Variants in OR10J1 observed in about 807,000 individuals in gnomAD.
OR10J1 encodes olfactory receptor 10J1.
For missense variants in OR10J1, 474 were observed against 376.6 expected (o/e 1.26, Z -2.14); for synonymous variants, 202 against 143.8 (o/e 1.40, Z -2.89).
the OR10J1 span, among the ~76,000 whole-genome samples, chr1:159,413,493 G>A: frequency 6.6e-6 from 1 of 152,068 alleles, no homozygotes; most frequent in Non-Finnish European, 1.5e-5. Context: ...TATACACCAT[G>A]GAATACTATG....
At chr1:159,433,148 A>G (rs181214276), upstream of OR10J1, 2,029 of 407,118 alleles carry the variant, frequency 5.0e-3, 7 homozygotes, top group Non-Finnish European at 6.7e-3. Flanking sequence ...GGTGCTGGTC[A>G]GTTCAATAAC....
chr1:159,430,654 T>C, the OR10J1 span, among the ~76,000 whole-genome samples: 1 of 77,340 alleles, frequency 1.3e-5, no homozygotes, highest in African/African-American at 3.4e-5. Context: ...TGTGTGTGTG[T>C]GTGTGTGTGT....
chr1:159,418,441 C>A, the OR10J1 span, among the ~76,000 whole-genome samples: 1 of 152,212 alleles, frequency 6.6e-6, no homozygotes, highest in African/African-American at 2.4e-5. Flanking sequence ...GTCATAGCTT[C>A]AGATGGTGCA....
At chr1:159,399,782 A>G in the OR10J1 span, among the ~76,000 whole-genome samples, 4,014 of 152,078 alleles carry the variant, frequency 0.026, 169 homozygotes, top group African/African-American at 0.092. Context: ...TAAATGATGA[A>G]CCAATAAAAA....
the OR10J1 span, among the ~76,000 whole-genome samples, chr1:159,411,619 T>A: frequency 6.6e-6 from 1 of 152,168 alleles, no homozygotes; most frequent in South Asian, 2.1e-4. Flanking sequence ...GCTTCCTGAA[T>A]ACAGCACACT....
rs1292185817 is a variant in OR10J1 at position 159,440,425 on chromosome 1, C to T, written c.634C>T (p.Leu212=). 1 of 1,614,110 alleles carries T rather than the reference C, an allele frequency of 6.2e-7. No homozygotes were observed. Among genetic ancestry groups the T allele is most frequent in the East Asian group, 2.2e-5 (1 of 44,874 alleles). Residue 212 remains leucine (L), a synonymous_variant, in exon 1 of 1, where the codon CTG becomes TTG. Coordinates refer to ENST00000423932, the MANE Select transcript of OR10J1 (RefSeq NM_012351.3). The stretch of plus-strand genomic sequence containing the variant: ...GCTGGTGCTTGTTGTACCTATGGGT[C>T]TGGTTTTCATTTCTTATGTTCTCAT... The part of the protein sequence containing the change: ...SVLVLVVPMG[L]VFISYVLIIS...
chr1:159,430,607 A>G, the OR10J1 span, among the ~76,000 whole-genome samples: 9 of 151,570 alleles, frequency 5.9e-5, no homozygotes, highest in Non-Finnish European at 1.0e-4. Flanking sequence ...CCATCCATGA[A>G]CATGAAAAAA....
At chr1:159,434,941 G>T (rs1344000121), upstream of OR10J1, among the ~76,000 whole-genome samples, 1 of 152,116 alleles carries the variant, frequency 6.6e-6, no homozygotes, top group Non-Finnish European at 1.5e-5. Flanking sequence ...TTTGTTCTTT[G>T]TCAATAGAAT....
At chr1:159,400,396 T>C in the OR10J1 span, among the ~76,000 whole-genome samples, 19 of 151,698 alleles carry the variant, frequency 1.3e-4, no homozygotes, top group African/African-American at 4.1e-4. Flanking sequence ...TCCATCCCAA[T>C]GGAAAACTAA....
At chr1:159,424,572 G>C in the OR10J1 span, among the ~76,000 whole-genome samples, 3 of 151,546 alleles carry the variant, frequency 2.0e-5, no homozygotes, top group East Asian at 5.8e-4. Flanking sequence ...TGAAAGAACT[G>C]AGTGTGTCCG....
chr1:159,437,068 T>A (rs1655756334), upstream of OR10J1, among the ~76,000 whole-genome samples: 1 of 152,166 alleles, frequency 6.6e-6, no homozygotes. Flanking sequence ...GACTAAGAAA[T>A]TTTTAAAGAA....
At chr1:159,439,200 C>G (rs12564019), upstream of OR10J1, among the ~76,000 whole-genome samples, 1 of 152,002 alleles carries the variant, frequency 6.6e-6, no homozygotes, top group African/African-American at 2.4e-5. Context: ...TTAAAGGATG[C>G]GCAAGGAGGA....
chr1:159,430,725 G>T, the OR10J1 span, among the ~76,000 whole-genome samples: 1 of 151,604 alleles, frequency 6.6e-6, no homozygotes, highest in Non-Finnish European at 1.5e-5. Context: ...GAGTTATGGG[G>T]GGTGGGGATG....
the OR10J1 span, among the ~76,000 whole-genome samples, chr1:159,420,025 A>T: frequency 1.3e-5 from 2 of 152,070 alleles, no homozygotes; most frequent in African/African-American, 2.4e-5. Context: ...ATATATGTTT[A>T]TAATTTTTAT....
At chr1:159,418,735 G>A in the OR10J1 span, among the ~76,000 whole-genome samples, 1 of 152,168 alleles carries the variant, frequency 6.6e-6, no homozygotes, top group Admixed American at 6.5e-5. Context: ...CAGAATGGTA[G>A]ATCTACCAAC....
the OR10J1 span, among the ~76,000 whole-genome samples, chr1:159,411,251 C>G: frequency 7.2e-5 from 11 of 152,038 alleles, no homozygotes; most frequent in African/African-American, 1.9e-4. Context: ...CCTGGGTATC[C>G]TTGTTAACTT....
the OR10J1 span, among the ~76,000 whole-genome samples, chr1:159,408,188 C>T: frequency 1.3e-5 from 2 of 151,878 alleles, no homozygotes; most frequent in African/African-American, 2.4e-5. Context: ...GACCCAGAAA[C>T]AGAATAGCAA....
chr1:159,440,530 G>T lies in OR10J1; in HGVS notation c.739G>T (p.Val247Phe). The T allele has an allele frequency of 1.2e-6, 2 of 1,614,012 alleles. No homozygotes were observed. Among genetic ancestry groups the T allele is most frequent in the Non-Finnish European group, 1.7e-6 (2 of 1,180,010 alleles). The stretch of plus-strand genomic sequence containing the variant: ...CACCTGTGCATCCCACCTCACTGTG[G>T]TCATTGTCCACTACAGCTGTGCCTC... Reference protein sequence around the residue: ...FATCASHLTVVIVHYSCASIA... With the variant: ...FATCASHLTVFIVHYSCASIA... Residue 247 changes from valine to phenylalanine, a missense_variant, in exon 1 of 1, where the codon GTC becomes TTC. Coordinates refer to ENST00000423932, the MANE Select transcript of OR10J1 (RefSeq NM_012351.3).
At chr1:159,398,118 G>T in the OR10J1 span, among the ~76,000 whole-genome samples, 1 of 152,190 alleles carries the variant, frequency 6.6e-6, no homozygotes, top group African/African-American at 2.4e-5. Flanking sequence ...GTAATACAGA[G>T]AATTCTGGTA....
Sources: allele counts gnomAD v4.1 joint callset (sites outside exome capture counted in the v4.1 genomes callset), GRCh38; gene constraint gnomAD v4.1.1; transcripts MANE v1.5; gene names NCBI Gene and HGNC (gene_info 2026-07-23, HGNC 2026-07-21).